HNF1A: variants seen among roughly 807,000 people sequenced by gnomAD.
The protein encoded by HNF1A is HNF1 homeobox A, also known as hepatocyte nuclear factor 1-alpha.
In HNF1A, 21 loss-of-function variants were observed where a neutral mutation model predicts 62.2. That is an observed-to-expected ratio of 0.34 (90% CI 0.24 to 0.49). HNF1A has a LOEUF of 0.49. Among genes scored for constraint, HNF1A ranks in the 20% least tolerant of loss-of-function variants. The probability of loss-of-function intolerance (pLI) is 0.99; values close to 1 mark genes in which losing one functional copy is unlikely to be tolerated. For synonymous variants in HNF1A, 374 were observed against 366.8 expected, an observed-to-expected ratio of 1.02 and a Z score of -0.22; for missense variants, 687 against 832.3, an observed-to-expected ratio of 0.83 and a Z score of 2.15.
intron 1 of HNF1A, among the ~76,000 whole-genome samples, chr12:120,987,526 G>A (rs1033689058): frequency 6.6e-6 from 1 of 150,830 alleles, no homozygotes; most frequent in Non-Finnish European, 1.5e-5. Flanking sequence ...TCCTGTTCTG[G>A]TGCTGCAGGG....
chr12:120,999,534 G>C lies in HNF1A; in HGVS notation c.1675G>C (p.Ala559Pro), dbSNP rs1877312759. 6.2e-7 allele frequency: 1 copy of C among 1,613,086 alleles called. No individual in the cohort carries two copies. Among genetic ancestry groups the C allele is most frequent in the African/African-American group, 1.3e-5 (1 of 74,894 alleles). The change falls in exon 9 of 10, where the codon GCA (alanine) becomes CCA (proline). Residue 559 changes from alanine (A) to proline (P), a missense_variant. Physicochemically the swap from Ala to Pro is conservative, Grantham distance 27. Coordinates refer to ENST00000257555, the MANE Select transcript of HNF1A (RefSeq NM_000545.8). ...CAGTGAGTCCGGGCTTCACACGCCG[G>C]CATCTCAGGCCACCACCCTCCACGT... ...ASSESGLHTP[A>P]SQATTLHVPS... is the part of the protein sequence containing the mutation.
intron 7 of HNF1A, among the ~76,000 whole-genome samples, chr12:120,998,681 T>C (rs1877244638): frequency 6.6e-6 from 1 of 152,176 alleles, no homozygotes; most frequent in South Asian, 2.1e-4. Flanking sequence ...TTGTAGGGTC[T>C]ATGTGTCTCC....
In HNF1A at chr12:120,993,614, C is replaced by T. The variant is rs777547408; in HGVS notation, c.621C>T (p.Gly207=). 6 of 1,614,092 alleles carry T rather than the reference C, an allele frequency of 3.7e-6. No homozygotes were observed. Among genetic ancestry groups the T allele is most frequent in the Non-Finnish European group, 5.1e-6 (6 of 1,180,004 alleles). ...GGCGGAGGAACCGTTTCAAGTGGGGCCCAGCATCCCAGCAGATCCTGTTCC... is the reference window on the plus strand; with the variant it reads ...GGCGGAGGAACCGTTTCAAGTGGGGTCCAGCATCCCAGCAGATCCTGTTCC... ...KKGRRNRFKW[G]PASQQILFQA... is the part of the protein sequence containing the mutation. The change falls in exon 3 of 10, where the codon GGC becomes GGT. Residue 207 remains glycine (G), a synonymous_variant. Transcript: ENST00000257555.
Position 120,978,819 on chromosome 12 carries a change from C to G in HNF1A, c.51C>G (p.Leu17=), listed in dbSNP as rs1169289. 732,355 of 1,612,708 alleles carry G rather than the reference C, an allele frequency of 0.45. 168,468 individuals are homozygous for G. Among genetic ancestry groups the G allele is most frequent in the Middle Eastern group, 0.63 (3,816 of 6,060 alleles). Residue 17 remains leucine, a synonymous_variant, in exon 1 of 10, where the codon CTC becomes CTG. Coordinates refer to ENST00000257555, the MANE Select transcript of HNF1A (RefSeq NM_000545.8). ...AGACGGAGCTCCTGGCGGCCCTGCT[C>G]GAGTCAGGGCTGAGCAAAGAGGCAC... The part of the protein sequence containing the change: ...QLQTELLAAL[L]ESGLSKEALI...
chr12:120,981,341 C>T (rs888093331), intron 1 of HNF1A, among the ~76,000 whole-genome samples: 3 of 152,178 alleles, frequency 2.0e-5, no homozygotes, highest in Non-Finnish European at 2.9e-5. Context: ...GTGGCCACAG[C>T]AGGAACCTGA....
In HNF1A at chr12:120,988,841, C is replaced by T. The variant is rs137853243; in HGVS notation, c.335C>T (p.Pro112Leu). 1.9e-6 allele frequency: 3 copies of T among 1,614,188 alleles called. No homozygotes were observed. The highest frequency in any genetic ancestry group is 1.7e-5 in the Admixed American group (1 of 60,030). Residue 112 changes from proline to leucine, a missense_variant, in exon 2 of 10, where the codon CCG (proline) becomes CTG (leucine). Physicochemically the swap from Pro to Leu is moderately conservative, Grantham distance 98 (BLOSUM62 -3). Around this residue, in one of 5 missense-constraint regions of HNF1A, gnomAD observed 159 missense variants for 154.4 expected, o/e 1.03. Transcript: ENST00000257555. Reference sequence around the variant, plus strand: ...TCCTTGCCCTCTCCCAGGGAGGACCCGTGGCGTGTGGCGAAGATGGTCAAG... The same window carrying T: ...TCCTTGCCCTCTCCCAGGGAGGACCTGTGGCGTGTGGCGAAGATGGTCAAG... Reference protein sequence around the residue: ...AVVETLLQEDPWRVAKMVKSY... With the variant: ...AVVETLLQEDLWRVAKMVKSY...
chr12:120,986,337 C>T lies in HNF1A; in HGVS notation c.327-2496C>T, dbSNP rs55945918. On this transcript the variant is annotated intron_variant, in intron 1 of 9. Transcript: ENST00000257555. ...GCACCTCCATTTAGTTAATCAGTAT[C>T]CTTTTGCTGGGCTCCTTGGTGGCTT... Among the ~76,000 whole-genome samples the T allele has an allele frequency of 7.5e-3, 1,136 of 152,316 alleles. 12 individuals are homozygous for T. The highest frequency in any genetic ancestry group is 0.018 in the African/African-American group (736 of 41,576).
rs2135854601 is a variant in HNF1A at position 121,001,117 on chromosome 12, G to T, written c.1821G>T (p.Gln607His). The T allele has an allele frequency of 6.2e-7, 1 of 1,614,026 alleles. No individual in the cohort carries two copies. The highest frequency in any genetic ancestry group is 2.2e-5 in the East Asian group (1 of 44,880). Residue 607 changes from glutamine (Q) to histidine (H), a missense_variant, in exon 10 of 10, where the codon CAG becomes CAT. Around this residue, in one of 5 missense-constraint regions of HNF1A, gnomAD observed 408 missense variants for 455.3 expected, o/e 0.90. Coordinates refer to ENST00000257555, the MANE Select transcript of HNF1A (RefSeq NM_000545.8). ...AGAGCTCAGACTCCAGCAATGGCCAGAGCCACCTGCTGCCATCCAACCACA... is the reference window on the plus strand; with the variant it reads ...AGAGCTCAGACTCCAGCAATGGCCATAGCCACCTGCTGCCATCCAACCACA... ...LYQSSDSSNG[Q>H]SHLLPSNHSV...
At chr12:120,987,763 GATCTATCTATCTATCTATCTATCT>G (rs71811344) in intron 1 of HNF1A, among the ~76,000 whole-genome samples, 2 of 147,006 alleles carry the variant, frequency 1.4e-5, no homozygotes, top group Non-Finnish European at 3.0e-5. Context: ...TCACAAAGTT[GATCTATCTATCTATCTATCTATCT>G]ATCTATCTAT....
intron 1 of HNF1A, among the ~76,000 whole-genome samples, chr12:120,983,031 G>A (rs1876330597): frequency 6.6e-6 from 1 of 152,222 alleles, no homozygotes; most frequent in Non-Finnish European, 1.5e-5. Context: ...TCAAGGCCAG[G>A]TCTAAAGCCC....
intron 1 of HNF1A, among the ~76,000 whole-genome samples, chr12:120,979,996 G>A (rs932166732): frequency 6.6e-6 from 1 of 152,094 alleles, no homozygotes; most frequent in Admixed American, 6.5e-5. Context: ...TGGCCTGGGG[G>A]CTACAGGGGC....
At chr12:120,979,189 C>A in intron 1 of HNF1A, 95 bp downstream of exon 1, 1 of 1,107,778 alleles carries the variant, frequency 9.0e-7, no homozygotes, top group Non-Finnish European at 1.3e-6. Context: ...GTCCCCATGA[C>A]CTTCAGCCTT....
chr12:120,987,806 C>G (rs1876595839), intron 1 of HNF1A, among the ~76,000 whole-genome samples: 1 of 147,104 alleles, frequency 6.8e-6, no homozygotes, highest in Non-Finnish European at 1.5e-5. Context: ...ATCTATCTAT[C>G]TATCTACGTG....
In HNF1A at chr12:120,996,168, A is replaced by C. The variant is rs1877085610; in HGVS notation, c.956-94A>C. On this transcript the variant is annotated intron_variant, in intron 4 of 9. Transcript: ENST00000257555. The surrounding 1 kb of genome is among the most constrained non-coding windows in gnomAD (Gnocchi z 4.5). ...TAAAGGCAGACAGGCAGCTGGCCTA[A>C]GCAAACCAATGGAGTTTGAAGTGCT... 6.7e-7 allele frequency: 1 copy of C among 1,499,946 alleles called. No individual in the cohort carries two copies. The highest frequency in any genetic ancestry group is 1.4e-5 in the African/African-American group (1 of 72,624). The allele number at this position is 1,499,946 out of a possible 1,614,324, so 92.9% of individuals were successfully genotyped here. A position where few individuals can be genotyped will look rare whatever the true frequency, so the allele number is the denominator to read the frequency against.
chr12:121,000,161 T>C (rs11065389), intron 9 of HNF1A, among the ~76,000 whole-genome samples: 1,925 of 152,290 alleles, frequency 0.013, 23 homozygotes, highest in Non-Finnish European at 0.021. Context: ...GAGTTTGTAA[T>C]CTATGATGCC....
chr12:121,000,777 C>T, intron 9 of HNF1A: 1 of 470,406 alleles, frequency 2.1e-6, no homozygotes, highest in Non-Finnish European at 4.0e-6. Flanking sequence ...GTGTTTGACT[C>T]AGCCTAGCCA....
intron 2 of HNF1A, among the ~76,000 whole-genome samples, chr12:120,990,342 C>CATGTTAGCCAGG (rs1555211606): frequency 2.8e-4 from 43 of 152,182 alleles, no homozygotes; most frequent in Admixed American, 7.2e-4. Flanking sequence ...GGGGTTTCAC[C>CATGTTAGCCAGG]ATGGTCTCGA....
rs138145827 is a variant in HNF1A, at chr12:120,997,658, C to T, written c.1494C>T (p.Ser498=). ...TGGCCACCATGGCTCAGCTGCAGAGCCCCCACGGTGAGCGCCCTGTGCCCC... is the reference window on the plus strand; with the variant it reads ...TGGCCACCATGGCTCAGCTGCAGAGTCCCCACGGTGAGCGCCCTGTGCCCC... ...PFMATMAQLQ[S]PHALYSHKPE... is the part of the protein sequence containing the mutation. The change falls in exon 7 of 10, where the codon AGC becomes AGT. Residue 498 remains serine (S), a synonymous_variant. Coordinates refer to ENST00000257555, the MANE Select transcript of HNF1A (RefSeq NM_000545.8). 1 of 1,610,912 alleles carries T rather than the reference C, an allele frequency of 6.2e-7. No individual in the cohort carries two copies. Among genetic ancestry groups the T allele is most frequent in the East Asian group, 2.2e-5 (1 of 44,650 alleles).
chr12:121,002,093 A>T lies in HNF1A; in HGVS notation c.*901A>T, dbSNP rs1565889716. The T allele has an allele frequency of 3.7e-6, 2 of 534,868 alleles. No individual in the cohort carries two copies. The highest frequency in any genetic ancestry group is 7.2e-6 in the Non-Finnish European group (2 of 275,884). 33.1% of individuals were successfully genotyped at this position (534,868 alleles called of 1,614,324 possible). ...AGACCCTGCCCTTGTTTGGGGCAGGAGTAGCTGAGCTCACAAGGCAGCAAG... is the reference window on the plus strand; with the variant it reads ...AGACCCTGCCCTTGTTTGGGGCAGGTGTAGCTGAGCTCACAAGGCAGCAAG... On this transcript the variant is annotated 3_prime_UTR_variant, in exon 10 of 10. Coordinates refer to ENST00000257555, the MANE Select transcript of HNF1A (RefSeq NM_000545.8).
Sources: allele counts gnomAD v4.1 joint callset (sites outside exome capture counted in the v4.1 genomes callset), GRCh38; gene constraint gnomAD v4.1.1; regional missense constraint gnomAD v4.1.1; non-coding constraint Gnocchi (gnomAD v3.1); transcripts MANE v1.5; gene names NCBI Gene and HGNC (gene_info 2026-07-23, HGNC 2026-07-21).